The following CDKN2D variants were observed in gnomAD, a reference collection of about 807,000 sequenced individuals.
CDKN2D encodes cyclin-dependent kinase 4 inhibitor D.
In CDKN2D, 3 loss-of-function variants were observed where a neutral mutation model predicts 4.7. The ratio of observed to expected loss-of-function variants is 0.64; its 90% CI spans 0.29 to 1.66. The LOEUF (loss-of-function observed/expected upper bound fraction) is 1.66, where lower values mean the gene tolerates loss of function less well. CDKN2D is among the 40% of genes most tolerant of loss of function. The pLI is 0.10. For missense variants in CDKN2D, 196 were observed against 230.9 expected (o/e 0.85, Z 0.98); for synonymous variants, 91 against 102.3 (o/e 0.89, Z 0.67).
chr19:10,568,950 C>G lies in CDKN2D; in HGVS notation c.-297G>C, dbSNP rs2144744348. On this transcript the variant is annotated 5_prime_UTR_variant, in exon 1 of 2. Coordinates refer to ENST00000393599, the MANE Select transcript of CDKN2D (RefSeq NM_001800.4). ...GCCGGGTCTCCCCCTAACTCACCCT[C>G]CCTCCTCCTCGCCGGGCGGGGTCTG... 5.0e-6 allele frequency: 1 copy of G among 199,892 alleles called. No individual in the cohort carries two copies. Among genetic ancestry groups the G allele is most frequent in the African/African-American group, 2.3e-5 (1 of 43,214 alleles). The allele number at this position is 199,892 out of a possible 1,614,324, so 12.4% of individuals were successfully genotyped here.
chr19:10,567,909 T>TGAA (rs1916947959), intron 1 of CDKN2D, among the ~76,000 whole-genome samples: 1 of 151,986 alleles, frequency 6.6e-6, no homozygotes, highest in African/African-American at 2.4e-5. Context: ...GAGAGCTCCT[T>TGAA]TCAAGAAGCG....
rs1568426197 is a variant in CDKN2D, at chr19:10,567,219, C to A, written c.340G>T (p.Ala114Ser). ...DGTGALPIHL[A>S]VQEGHTAVVS... ...ACAGCAGTGTGACCCTCTTGAACTG[C>A]CAGATGGATTGGAAGTGCCCCGGTG... Residue 114 changes from alanine to serine, a missense_variant, in exon 2 of 2, where the codon GCA (alanine) becomes TCA (serine). Transcript: ENST00000393599. 1 of 1,614,212 alleles carries A rather than the reference C, an allele frequency of 6.2e-7. No individual in the cohort carries two copies.
At chr19:10,567,441 G>A in intron 1 of CDKN2D, 24 bp from the exon 2 acceptor site, 1 of 1,597,778 alleles carries the variant, frequency 6.3e-7, no homozygotes, top group South Asian at 1.1e-5. Flanking sequence ...AGAGGATCAG[G>A]AGGTCCTCAA....
intron 1 of CDKN2D, among the ~76,000 whole-genome samples, chr19:10,568,210 C>T (rs1916954850): frequency 6.6e-6 from 1 of 152,128 alleles, no homozygotes; most frequent in South Asian, 2.1e-4. Context: ...AAACGGCATC[C>T]AAAGGAGCTG....
intron 1 of CDKN2D, 98 bp from the exon 2 acceptor site, chr19:10,567,515 C>G (rs1175131308): frequency 1.4e-6 from 2 of 1,382,804 alleles, no homozygotes; most frequent in East Asian, 2.3e-5. Context: ...AGGCATCTCC[C>G]AGAAACAGGA....
At position 10,568,978 on chromosome 19, in the gene CDKN2D, C is replaced by G. The variant is rs1405785241; in HGVS notation, c.-325G>C. 2 of 186,624 alleles carry G rather than the reference C, an allele frequency of 1.1e-5. No individual in the cohort carries two copies. Among genetic ancestry groups the G allele is most frequent in the Non-Finnish European group, 2.2e-5 (2 of 89,144 alleles). The allele number at this position is 186,624 out of a possible 1,614,324, so 11.6% of individuals were successfully genotyped here. A position where few individuals can be genotyped will look rare whatever the true frequency, so the allele number is the denominator to read the frequency against. ...TCCTCCTCGCCGGGCGGGGTCTGCT[C>G]TGAGCCTGCGCCGCCGCCGCCGCTG... On this transcript the variant is annotated 5_prime_UTR_variant, in exon 1 of 2. Transcript: ENST00000393599.
chr19:10,566,965 T>A lies in CDKN2D; in HGVS notation c.*93A>T. On this transcript the variant is annotated 3_prime_UTR_variant, in exon 2 of 2. Transcript: ENST00000393599. ...CTGTGCTCCTCCCCTACTGCAGCAGTGGGCAGGAGAAACAAGAAGAGAAAG... is the reference window on the plus strand; with the variant it reads ...CTGTGCTCCTCCCCTACTGCAGCAGAGGGCAGGAGAAACAAGAAGAGAAAG... 3.8e-6 allele frequency: 5 copies of A among 1,322,792 alleles called. No homozygotes were observed. In the South Asian group the frequency reaches 5.6e-5, roughly 15 times the overall value. The allele number at this position is 1,322,792 out of a possible 1,614,324, so 81.9% of individuals were successfully genotyped here. A position where few individuals can be genotyped will look rare whatever the true frequency, so the allele number is the denominator to read the frequency against.
At position 10,568,557 on chromosome 19, in the gene CDKN2D, C is replaced by G. The variant is rs758040506; in HGVS notation, c.97G>C (p.Val33Leu). 5 of 1,501,130 alleles carry G rather than the reference C, an allele frequency of 3.3e-6. No homozygotes were observed. 93.0% of individuals were successfully genotyped at this position (1,501,130 alleles called of 1,614,324 possible). A position where few individuals can be genotyped will look rare whatever the true frequency, so the allele number is the denominator to read the frequency against. The change falls in exon 1 of 2, where the codon GTG becomes CTG. Residue 33 changes from valine (V) to leucine (L), a missense_variant. By Grantham distance (32) the Val-to-Leu change is conservative. Transcript: ENST00000393599. Reference sequence around the variant, plus strand: ...AAGCGGTTGAGGGCGTCGGGATGCACCAGCTCCCGGTGCAGAAGGCGGCGC... The same window carrying G: ...AAGCGGTTGAGGGCGTCGGGATGCAGCAGCTCCCGGTGCAGAAGGCGGCGC... ...EVRRLLHRELVHPDALNRFGK... is the reference protein window; with the variant it reads ...EVRRLLHRELLHPDALNRFGK...
rs1916910073 is a variant in CDKN2D, at chr19:10,566,857, C to T, written c.*201G>A. 8 of 578,722 alleles carry T rather than the reference C, an allele frequency of 1.4e-5. No individual in the cohort carries two copies. The highest frequency in any genetic ancestry group is 1.8e-5 in the Non-Finnish European group (6 of 328,080). The allele number at this position is 578,722 out of a possible 1,614,324, so 35.8% of individuals were successfully genotyped here. A position where few individuals can be genotyped will look rare whatever the true frequency, so the allele number is the denominator to read the frequency against. On this transcript the variant is annotated 3_prime_UTR_variant, in exon 2 of 2. Transcript: ENST00000393599. Reference sequence around the variant, plus strand: ...CCTGCAGGAGCCCTTCTCTGTCCAACACACCAAAAGGAGTGAGAAAAACAA... The same window carrying T: ...CCTGCAGGAGCCCTTCTCTGTCCAATACACCAAAAGGAGTGAGAAAAACAA...
chr19:10,567,379 C>G lies in CDKN2D; in HGVS notation c.180G>C (p.Leu60=). ...CATTGGGGCTGGCACCTTGCTTCAG[C>G]AGCTCCAGGGCGATGGCGGTGCTGC... ...MFGSTAIALE[L]LKQGASPNVQ... The change falls in exon 2 of 2, where the codon CTG becomes CTC. Residue 60 remains leucine (L), a synonymous_variant. Coordinates refer to ENST00000393599, the MANE Select transcript of CDKN2D (RefSeq NM_001800.4). The G allele has an allele frequency of 6.2e-7, 1 of 1,614,070 alleles. No individual in the cohort carries two copies. Among genetic ancestry groups the G allele is most frequent in the Non-Finnish European group, 8.5e-7 (1 of 1,179,984 alleles).
chr19:10,568,877 C>A lies in CDKN2D; in HGVS notation c.-224G>T. 3.6e-6 allele frequency: 1 copy of A among 274,188 alleles called. No individual in the cohort carries two copies. The highest frequency in any genetic ancestry group is 6.8e-6 in the Non-Finnish European group (1 of 147,468). 17.0% of individuals were successfully genotyped at this position (274,188 alleles called of 1,614,324 possible). On this transcript the variant is annotated 5_prime_UTR_variant, in exon 1 of 2. Coordinates refer to ENST00000393599, the MANE Select transcript of CDKN2D (RefSeq NM_001800.4). ...ACGGCGAGGGGCTGGGAGCCGGGCC[C>A]AACCCTCGGCCGCCCGCGGGGCCCT...
Position 10,566,662 on chromosome 19 carries a change from C to T in CDKN2D, c.*396G>A. 1 of 263,928 alleles carries T rather than the reference C, an allele frequency of 3.8e-6. No individual in the cohort carries two copies. Among genetic ancestry groups the T allele is most frequent in the Non-Finnish European group, 7.4e-6 (1 of 135,290 alleles). The allele number at this position is 263,928 out of a possible 1,614,324, so 16.3% of individuals were successfully genotyped here. A position where few individuals can be genotyped will look rare whatever the true frequency, so the allele number is the denominator to read the frequency against. Reference sequence around the variant, plus strand: ...TGGGACGCTCCCCCCACCCCCCATGCCTGAAGCAACGTGCACACTTCAGGT... The same window carrying T: ...TGGGACGCTCCCCCCACCCCCCATGTCTGAAGCAACGTGCACACTTCAGGT... On this transcript the variant is annotated 3_prime_UTR_variant, in exon 2 of 2. Coordinates refer to ENST00000393599, the MANE Select transcript of CDKN2D (RefSeq NM_001800.4).
At position 10,568,811 on chromosome 19, in the gene CDKN2D, C is replaced by T; in HGVS notation, c.-158G>A. On this transcript the variant is annotated 5_prime_UTR_variant, in exon 1 of 2. Coordinates refer to ENST00000393599, the MANE Select transcript of CDKN2D (RefSeq NM_001800.4). ...CCGTCCCGGCTCCCCAGCCCGAGACCCCGGCCCTCCCGGCGGGCTCCTCCC... is the reference window on the plus strand; with the variant it reads ...CCGTCCCGGCTCCCCAGCCCGAGACTCCGGCCCTCCCGGCGGGCTCCTCCC... 2.5e-6 allele frequency: 1 copy of T among 395,072 alleles called. No homozygotes were observed. The highest frequency in any genetic ancestry group is 4.2e-6 in the Non-Finnish European group (1 of 239,976). The allele number at this position is 395,072 out of a possible 1,614,324, so 24.5% of individuals were successfully genotyped here. A position where few individuals can be genotyped will look rare whatever the true frequency, so the allele number is the denominator to read the frequency against.
Position 10,566,611 on chromosome 19 carries a change from T to G in CDKN2D, c.*447A>C, listed in dbSNP as rs142212397. ...CTTCCAACAGAATATGAATAACTCA[T>G]AACTCATTCTACCTTCTTATTGATT... On this transcript the variant is annotated 3_prime_UTR_variant, in exon 2 of 2. Coordinates refer to ENST00000393599, the MANE Select transcript of CDKN2D (RefSeq NM_001800.4). 3 of 255,766 alleles carry G rather than the reference T, an allele frequency of 1.2e-5. No individual in the cohort carries two copies. The highest frequency in any genetic ancestry group is 4.8e-5 in the Admixed American group (1 of 20,958). The allele number at this position is 255,766 out of a possible 1,614,324, so 15.8% of individuals were successfully genotyped here. A position where few individuals can be genotyped will look rare whatever the true frequency, so the allele number is the denominator to read the frequency against.
At position 10,566,821 on chromosome 19, in the gene CDKN2D, G is replaced by A; in HGVS notation, c.*237C>T. ...GGCGCAGAAGAAACTGAACCGTTTA[G>A]GTGGCTGTGGCCTGCAGGAGCCCTT... On this transcript the variant is annotated 3_prime_UTR_variant, in exon 2 of 2. Coordinates refer to ENST00000393599, the MANE Select transcript of CDKN2D (RefSeq NM_001800.4). The A allele has an allele frequency of 4.0e-6, 2 of 506,314 alleles. No homozygotes were observed. Among genetic ancestry groups the A allele is most frequent in the Non-Finnish European group, 7.1e-6 (2 of 280,990 alleles). 31.4% of individuals were successfully genotyped at this position (506,314 alleles called of 1,614,324 possible). A position where few individuals can be genotyped will look rare whatever the true frequency, so the allele number is the denominator to read the frequency against.
At position 10,567,256 on chromosome 19, in the gene CDKN2D, G is replaced by A. The variant is rs1385179510; in HGVS notation, c.303C>T (p.Asn101=). 2 of 1,614,080 alleles carry A rather than the reference G, an allele frequency of 1.2e-6. No homozygotes were observed. Among genetic ancestry groups the A allele is most frequent in the African/African-American group, 1.3e-5 (1 of 74,932 alleles). ...KVLVEHGADV[N]VPDGTGALPI... Reference sequence around the variant, plus strand: ...GAAGTGCCCCGGTGCCATCAGGCACGTTGACATCAGCCCCGTGCTCCACTA... The same window carrying A: ...GAAGTGCCCCGGTGCCATCAGGCACATTGACATCAGCCCCGTGCTCCACTA... The change falls in exon 2 of 2, where the codon AAC becomes AAT. Residue 101 remains asparagine, a synonymous_variant. Coordinates refer to ENST00000393599, the MANE Select transcript of CDKN2D (RefSeq NM_001800.4).
Position 10,568,540 on chromosome 19 carries a change from GAGGGCGTCGGGATGCACC to G in CDKN2D, c.96_113del (p.Val33_Leu38del), listed in dbSNP as rs1916964626. The G allele has an allele frequency of 6.7e-7, 1 of 1,481,852 alleles. No individual in the cohort carries two copies. The allele number at this position is 1,481,852 out of a possible 1,614,324, so 91.8% of individuals were successfully genotyped here. The stretch of plus-strand genomic sequence containing the variant: ...GCAGCGCCGTCTTGCCGAAGCGGTT[GAGGGCGTCGGGATGCACC>G]AGCTCCCGGTGCAGAAGGCGGCGCA... On this transcript the variant is annotated inframe_deletion, in exon 1 of 2. Transcript: ENST00000393599.
intron 1 of CDKN2D, among the ~76,000 whole-genome samples, chr19:10,567,862 T>A (rs915410544): frequency 6.6e-6 from 1 of 151,878 alleles, no homozygotes. Flanking sequence ...GGAAATAGCC[T>A]CCTCCTACAT....
At chr19:10,567,636 G>GCC (rs1916938928) in intron 1 of CDKN2D, among the ~76,000 whole-genome samples, 1 of 115,128 alleles carries the variant, frequency 8.7e-6, no homozygotes, top group African/African-American at 3.6e-5. Flanking sequence ...TTAAGAATGA[G>GCC]ACCCCCCAAC....
Sources: gnomAD v4.1 joint callset for allele counts (sites outside exome capture counted in the v4.1 genomes callset) on GRCh38, gnomAD v4.1.1 for gene constraint, MANE v1.5 for transcripts, NCBI Gene and HGNC (gene_info 2026-07-23, HGNC 2026-07-21) for gene names.